Variants in PIERCE2 observed in about 807,000 individuals in gnomAD.
PIERCE2 encodes piercer of microtubule wall 2 protein.
At chr15:55,409,690 A>T in the PIERCE2 span, among the ~76,000 whole-genome samples, 9 of 152,182 alleles carry the variant, frequency 5.9e-5, no homozygotes, top group Non-Finnish European at 1.3e-4. Context: ...TGCGATGGGC[A>T]TTATTAATCA....
the PIERCE2 span, among the ~76,000 whole-genome samples, chr15:55,409,474 T>G: frequency 6.6e-6 from 1 of 152,180 alleles, no homozygotes; most frequent in Non-Finnish European, 1.5e-5. Flanking sequence ...TTTCATTCTC[T>G]GTCCCCTAAT....
At chr15:55,409,204 G>A in the PIERCE2 span, among the ~76,000 whole-genome samples, 3 of 152,116 alleles carry the variant, frequency 2.0e-5, no homozygotes, top group Admixed American at 1.3e-4. Flanking sequence ...TCAGGAGTTC[G>A]AGACCAGCCT....
At chr15:55,418,150 G>T in the PIERCE2 span, 1 of 1,570,404 alleles carries the variant, frequency 6.4e-7, no homozygotes, top group Non-Finnish European at 8.6e-7. Context: ...AAGGGAAGTG[G>T]GTGGGACTGA....
At chr15:55,414,850 C>A in the PIERCE2 span, among the ~76,000 whole-genome samples, 2 of 152,080 alleles carry the variant, frequency 1.3e-5, no homozygotes, top group Non-Finnish European at 2.9e-5. Flanking sequence ...TACACTCCAG[C>A]CTGGGCAACA....
the PIERCE2 span, among the ~76,000 whole-genome samples, chr15:55,412,671 G>T: frequency 6.6e-6 from 1 of 152,100 alleles, no homozygotes; most frequent in African/African-American, 2.4e-5. Context: ...AGAAGCCAAG[G>T]CCTGAGGATC....
the PIERCE2 span, chr15:55,408,636 A>G: frequency 1.6e-6 from 1 of 621,536 alleles, no homozygotes; most frequent in South Asian, 1.9e-5. Context: ...TGATCCACCC[A>G]GCTATTCATC....
chr15:55,418,191 A>T, the PIERCE2 span: 1 of 1,564,308 alleles, frequency 6.4e-7, no homozygotes, highest in African/African-American at 1.4e-5. Context: ...GAACTTTATA[A>T]TGGAGAATGA....
the PIERCE2 span, among the ~76,000 whole-genome samples, chr15:55,414,210 T>G: frequency 0.085 from 67 of 790 alleles, no homozygotes; most frequent in South Asian, 0.43. Context: ...TTTTTTTTTG[T>G]TTTTTTTTTT....
At chr15:55,411,720 G>C in the PIERCE2 span, among the ~76,000 whole-genome samples, 12 of 152,012 alleles carry the variant, frequency 7.9e-5, no homozygotes, top group African/African-American at 2.4e-4. Context: ...TTGGGAGTTC[G>C]AGACCAACCT....
chr15:55,415,522 G>A, the PIERCE2 span, among the ~76,000 whole-genome samples: 6,378 of 151,338 alleles, frequency 0.042, 470 homozygotes, highest in African/African-American at 0.15. Flanking sequence ...CAAGAATCCC[G>A]TCTCCAACAA....
the PIERCE2 span, among the ~76,000 whole-genome samples, chr15:55,412,720 T>C: frequency 6.6e-6 from 1 of 151,972 alleles, no homozygotes; most frequent in East Asian, 1.9e-4. Context: ...TGCACTATTA[T>C]CCCATTTGTG....
the PIERCE2 span, chr15:55,417,764 G>C: frequency 1.0e-5 from 2 of 192,846 alleles, no homozygotes; most frequent in African/African-American, 4.7e-5. Context: ...CTTTGTGTGA[G>C]CAATAAAGCT....
At chr15:55,417,142 C>G in the PIERCE2 span, among the ~76,000 whole-genome samples, 1 of 152,160 alleles carries the variant, frequency 6.6e-6, no homozygotes, top group Non-Finnish European at 1.5e-5. Flanking sequence ...TCACTCCTCT[C>G]CTTAAAACCC....
chr15:55,415,150 A>C, the PIERCE2 span, among the ~76,000 whole-genome samples: 1 of 151,992 alleles, frequency 6.6e-6, no homozygotes, highest in African/African-American at 2.4e-5. Context: ...CCGCAGACAA[A>C]ACCCCTCAGA....
At chr15:55,410,054 G>A in the PIERCE2 span, among the ~76,000 whole-genome samples, 1 of 138,440 alleles carries the variant, frequency 7.2e-6, no homozygotes, top group Admixed American at 7.3e-5. Context: ...CAGGTTTGAA[G>A]AAGGTGAAAC....
At chr15:55,411,686 C>G in the PIERCE2 span, among the ~76,000 whole-genome samples, 4 of 151,956 alleles carry the variant, frequency 2.6e-5, no homozygotes, top group African/African-American at 9.7e-5. Context: ...CTTTGGGAGG[C>G]CGAGGCGGGC....
At chr15:55,414,403 GTTTCAC>G in the PIERCE2 span, among the ~76,000 whole-genome samples, 1 of 151,718 alleles carries the variant, frequency 6.6e-6, no homozygotes, top group Non-Finnish European at 1.5e-5. Flanking sequence ...TAGAGGCAGG[GTTTCAC>G]CATGTTGGCC....
the PIERCE2 span, among the ~76,000 whole-genome samples, chr15:55,413,834 C>A: frequency 2.0e-5 from 3 of 149,418 alleles, no homozygotes; most frequent in Admixed American, 1.3e-4. Flanking sequence ...CTCATTAGGA[C>A]TTTTTTTATT....
the PIERCE2 span, among the ~76,000 whole-genome samples, chr15:55,411,861 C>T: frequency 2.0e-5 from 3 of 151,986 alleles, no homozygotes; most frequent in South Asian, 2.1e-4. Context: ...GCGGAGGTTG[C>T]GGTGAGCTGA....
Sources: gnomAD v4.1 joint callset for allele counts (sites outside exome capture counted in the v4.1 genomes callset) on GRCh38, gnomAD v4.1.1 for gene constraint, MANE v1.5 for transcripts, NCBI Gene and HGNC (gene_info 2026-07-23, HGNC 2026-07-21) for gene names.